Variants in LARGE1 observed in about 807,000 individuals in gnomAD.
LARGE1 encodes the protein LARGE xylosyl- and glucuronyltransferase 1, also known as xylosyl- and glucuronyltransferase LARGE1.
Under a neutral mutation model 87.6 loss-of-function variants are expected in LARGE1, and 43 were observed. The ratio of observed to expected loss-of-function variants is 0.49; its 90% CI spans 0.38 to 0.63. LARGE1 has a LOEUF of 0.63. Among genes scored for constraint, LARGE1 ranks in the 30% least tolerant of loss-of-function variants. The pLI is 0.00. For missense variants in LARGE1, 802 were observed against 1,000.2 expected (o/e 0.80, Z 2.67); for synonymous variants, 434 against 394.6 (o/e 1.10, Z -1.18).
rs114685501 is a variant in LARGE1, at chr22:33,405,831, C to T, written c.893-21527G>A. Among the ~76,000 whole-genome samples, 705 of 152,262 alleles carry T rather than the reference C, an allele frequency of 4.6e-3. 4 individuals are homozygous for T. Among genetic ancestry groups the T allele is most frequent in the African/African-American group, 0.016 (668 of 41,546 alleles). On this transcript the variant is annotated intron_variant, in intron 7 of 14. Coordinates refer to ENST00000397394, the MANE Select transcript of LARGE1 (RefSeq NM_133642.5). ...TTAGTACAACAATGGGCCCTTACTA[C>T]GTGTAAATTCCTTCCTTACGCTCTG...
chr22:33,629,534 G>C (rs1226984431), intron 3 of LARGE1, among the ~76,000 whole-genome samples: 21 of 152,144 alleles, frequency 1.4e-4, no homozygotes. Flanking sequence ...GAAAATCACA[G>C]TGGCATCGAC....
chr22:33,758,399 C>T (rs956503243), intron 2 of LARGE1, among the ~76,000 whole-genome samples: 13 of 152,200 alleles, frequency 8.5e-5, no homozygotes, highest in African/African-American at 3.1e-4. Flanking sequence ...CCCGAATGCA[C>T]ACTAACTGAC....
intron 1 of LARGE1, among the ~76,000 whole-genome samples, chr22:33,911,046 C>T (rs1327960140): frequency 6.6e-6 from 1 of 152,188 alleles, no homozygotes; most frequent in African/African-American, 2.4e-5. Context: ...GAGCACATCC[C>T]CCTCCCAGGG....
rs143140191 is a variant in LARGE1 at position 33,793,425 on chromosome 22, G to C, written c.-82-31867C>G. The stretch of plus-strand genomic sequence containing the variant: ...GTGGGAGATAATCGTCTGAAACAGG[G>C]AGCAGCAGCTTCCAACAGCTCCCCC... On this transcript the variant is annotated intron_variant, in intron 1 of 14. Coordinates refer to ENST00000397394, the MANE Select transcript of LARGE1 (RefSeq NM_133642.5). Among the ~76,000 whole-genome samples, 357 of 152,238 alleles carry C rather than the reference G, an allele frequency of 2.3e-3. 4 individuals carry two copies. The highest frequency in any genetic ancestry group is 8.1e-3 in the African/African-American group (335 of 41,544).
intron 6 of LARGE1, 85 bp downstream of exon 6, chr22:33,564,763 C>T: frequency 1.4e-6 from 2 of 1,410,186 alleles, no homozygotes; most frequent in Non-Finnish European, 2.0e-6. Context: ...GAGGAGACCT[C>T]ACCTTTTTAA....
chr22:33,202,122 T>A (rs1356372181), intron 11 of LARGE1, among the ~76,000 whole-genome samples: 5 of 149,028 alleles, frequency 3.4e-5, no homozygotes, highest in African/African-American at 1.2e-4. Flanking sequence ...AAAAAAAGAA[T>A]CATTCTGGCT....
chr22:33,202,239 C>A (rs114652815), intron 11 of LARGE1, among the ~76,000 whole-genome samples: 4,596 of 152,292 alleles, frequency 0.03, 95 homozygotes, highest in Admixed American at 0.056. Flanking sequence ...TCCCCACTCC[C>A]AACTTTAGAA....
chr22:33,157,071 C>A, the LARGE1 span, among the ~76,000 whole-genome samples: 3 of 152,324 alleles, frequency 2.0e-5, no homozygotes, highest in African/African-American at 7.2e-5. Flanking sequence ...CTTTCTTTTG[C>A]AAATTGCCCA....
chr22:33,852,975 G>A (rs1312435109), intron 1 of LARGE1, among the ~76,000 whole-genome samples: 2 of 151,880 alleles, frequency 1.3e-5, no homozygotes, highest in Non-Finnish European at 2.9e-5. Context: ...GAGGGTCACA[G>A]TGATCAATGA....
At chr22:33,436,733 C>T (rs1466639485) in intron 6 of LARGE1, 2 of 152,548 alleles carry the variant, frequency 1.3e-5, no homozygotes, top group African/African-American at 4.8e-5. Flanking sequence ...TCCCTTCTTC[C>T]AGGAGCCAGC....
intron 11 of LARGE1, among the ~76,000 whole-genome samples, chr22:33,251,309 T>C (rs915875429): frequency 1.3e-5 from 2 of 152,218 alleles, no homozygotes; most frequent in African/African-American, 4.8e-5. Context: ...TCTTTCTCTG[T>C]GGAGGGAGCT....
At chr22:33,195,903 C>T (rs1460161737) in intron 11 of LARGE1, among the ~76,000 whole-genome samples, 2 of 151,346 alleles carry the variant, frequency 1.3e-5, no homozygotes, top group Non-Finnish European at 2.9e-5. Context: ...TACAGGCGCC[C>T]GCCACCACGT....
At chr22:33,781,367 G>T (rs1231014917) in intron 1 of LARGE1, among the ~76,000 whole-genome samples, 4 of 152,162 alleles carry the variant, frequency 2.6e-5, no homozygotes, top group African/African-American at 7.2e-5. Flanking sequence ...CAGGCATGGT[G>T]GTGGGTGCCT....
intron 7 of LARGE1, among the ~76,000 whole-genome samples, chr22:33,389,847 A>AAACCAACC (rs143324200): frequency 1.8e-3 from 255 of 140,108 alleles, no homozygotes; most frequent in East Asian, 5.2e-3. Flanking sequence ...TCAGTCTCAA[A>AAACCAACC]AACCAACCAA....
the LARGE1 span, among the ~76,000 whole-genome samples, chr22:33,080,162 C>T: frequency 2.0e-5 from 3 of 152,218 alleles, no homozygotes; most frequent in Non-Finnish European, 2.9e-5. Flanking sequence ...TTAGCTTCGA[C>T]ATTCACTGAG....
At chr22:33,577,754 C>T (rs958247468) in intron 5 of LARGE1, among the ~76,000 whole-genome samples, 1 of 152,242 alleles carries the variant, frequency 6.6e-6, no homozygotes, top group African/African-American at 2.4e-5. Flanking sequence ...TGAGTTTAAA[C>T]ACACGGACAG....
At chr22:33,409,960 T>C (rs1601742285) in intron 7 of LARGE1, among the ~76,000 whole-genome samples, 3 of 148,554 alleles carry the variant, frequency 2.0e-5, no homozygotes, top group Non-Finnish European at 3.0e-5. Context: ...AAAAATAGGG[T>C]ATAGGTAATG....
At chr22:33,865,193 A>G (rs967852402) in intron 1 of LARGE1, among the ~76,000 whole-genome samples, 1 of 151,822 alleles carries the variant, frequency 6.6e-6, no homozygotes, top group Non-Finnish European at 1.5e-5. Flanking sequence ...ACTCCCCTTC[A>G]CCCATCTTCA....
chr22:33,275,520 G>T (rs557015654), intron 14 of LARGE1, among the ~76,000 whole-genome samples: 2 of 152,256 alleles, frequency 1.3e-5, no homozygotes, highest in East Asian at 3.9e-4. Flanking sequence ...GAATGAGTGA[G>T]AAAAACCATC....
Sources: allele counts gnomAD v4.1 joint callset (sites outside exome capture counted in the v4.1 genomes callset), GRCh38; gene constraint gnomAD v4.1.1; transcripts MANE v1.5; gene names NCBI Gene and HGNC (gene_info 2026-07-23, HGNC 2026-07-21).